Variants in ABCB8 observed in about 807,000 individuals in gnomAD.
ABCB8 encodes the protein mitochondrial potassium channel ATP-binding subunit.
A neutral mutation model predicts 73.0 loss-of-function variants in ABCB8; 52 were observed. The ratio of observed to expected loss-of-function variants is 0.71; its 90% CI spans 0.57 to 0.90. The LOEUF (loss-of-function observed/expected upper bound fraction) is 0.90. ABCB8 is among the 40% of genes least tolerant of loss of function. The probability of loss-of-function intolerance (pLI) is 0.00; values close to 1 mark genes in which losing one functional copy is unlikely to be tolerated. For synonymous variants in ABCB8, 428 were observed against 423.5 expected (o/e 1.01, Z -0.13); for missense variants, 909 against 974.6 (o/e 0.93, Z 0.90).
intron 1 of ABCB8, among the ~76,000 whole-genome samples, chr7:151,031,845 C>G (rs1796172905): frequency 6.6e-6 from 1 of 152,134 alleles, no homozygotes; most frequent in Admixed American, 6.5e-5. Flanking sequence ...AACTCCTGGC[C>G]TCAAATGATC....
intron 14 of ABCB8, among the ~76,000 whole-genome samples, chr7:151,042,679 G>A (rs544713981): frequency 1.4e-3 from 210 of 152,364 alleles, no homozygotes; most frequent in Non-Finnish European, 2.5e-3. Context: ...GGAGCTCCCA[G>A]GTCTTTTTCC....
rs1316398865 is a variant in ABCB8 at position 151,046,692 on chromosome 7, C to T, written c.*1343C>T. The stretch of plus-strand genomic sequence containing the variant: ...AGCCAGGCAAGCATTCTGGATTTAC[C>T]CTGTGTAAAGAAGGGTGGTACCCTC... On this transcript the variant is annotated 3_prime_UTR_variant, in exon 16 of 16. Coordinates refer to ENST00000358849, the MANE Select transcript of ABCB8 (RefSeq NM_007188.5). 6.6e-6 allele frequency: 1 copy of T among 152,248 alleles called. No individual in the cohort carries two copies. The highest frequency in any genetic ancestry group is 2.4e-5 in the African/African-American group (1 of 41,444). 9.4% of individuals were successfully genotyped at this position (152,248 alleles called of 1,614,324 possible). A position where few individuals can be genotyped will look rare whatever the true frequency, so the allele number is the denominator to read the frequency against.
chr7:151,031,313 A>G lies in ABCB8; in HGVS notation c.96-2292A>G, dbSNP rs774048770. On this transcript the variant is annotated intron_variant, in intron 1 of 15. Transcript: ENST00000358849. ...GAGAGTAAGCGTCTCTATCTTTCTA[A>G]TAGAAACAAGAACACAGTGGAAAAC... 9 of 1,542,046 alleles carry G rather than the reference A, an allele frequency of 5.8e-6. No individual in the cohort carries two copies. The South Asian group carries it at 9.5e-5, about 16-fold the overall frequency.
rs902955813 is a variant in ABCB8 at position 151,044,112 on chromosome 7, C to T, written c.1907C>T (p.Ala636Val). Residue 636 changes from alanine (A) to valine (V), a missense_variant, in exon 15 of 16, where the codon GCC becomes GTC. Physicochemically the swap from Ala to Val is moderately conservative, Grantham distance 64. Transcript: ENST00000358849. Reference sequence around the variant, plus strand: ...GAGTCCGAGCGGGTTGTACAGGAGGCCCTGGACCGGGCCAGTGCAGGCCGC... The same window carrying T: ...GAGTCCGAGCGGGTTGTACAGGAGGTCCTGGACCGGGCCAGTGCAGGCCGC... Reference protein sequence around the residue: ...DAESERVVQEALDRASAGRTV... With the variant: ...DAESERVVQEVLDRASAGRTV... The T allele has an allele frequency of 1.9e-6, 3 of 1,613,792 alleles. No homozygotes were observed. Among genetic ancestry groups the T allele is most frequent in the Admixed American group, 1.7e-5 (1 of 59,992 alleles).
intron 14 of ABCB8, among the ~76,000 whole-genome samples, chr7:151,042,609 T>C (rs1001517965): frequency 6.6e-6 from 1 of 152,214 alleles, no homozygotes; most frequent in African/African-American, 2.4e-5. Flanking sequence ...GCTCTGGTGG[T>C]TCTGAACTAG....
At chr7:151,032,326 G>A (rs1796185550) in intron 1 of ABCB8, among the ~76,000 whole-genome samples, 1 of 152,236 alleles carries the variant, frequency 6.6e-6, no homozygotes, top group Non-Finnish European at 1.5e-5. Flanking sequence ...AAGCATGACT[G>A]CTGTGAGGGG....
In ABCB8 at chr7:151,046,535, C is replaced by T. The variant is rs541134395; in HGVS notation, c.*1186C>T. On this transcript the variant is annotated 3_prime_UTR_variant, in exon 16 of 16. Coordinates refer to ENST00000358849, the MANE Select transcript of ABCB8 (RefSeq NM_007188.5). Reference sequence around the variant, plus strand: ...CTGCACTGCTGCAGATGCATCAGCCCTCCCCATGTTGGTGCCGCTGTCACT... The same window carrying T: ...CTGCACTGCTGCAGATGCATCAGCCTTCCCCATGTTGGTGCCGCTGTCACT... 2.0e-5 allele frequency: 3 copies of T among 152,412 alleles called. No homozygotes were observed. The South Asian group carries it at 6.2e-4, about 32-fold the overall frequency. 9.4% of individuals were successfully genotyped at this position (152,412 alleles called of 1,614,324 possible). A position where few individuals can be genotyped will look rare whatever the true frequency, so the allele number is the denominator to read the frequency against.
chr7:151,042,119 G>T lies in ABCB8; in HGVS notation c.1765+11G>T. On this transcript the variant is annotated intron_variant, in intron 14 of 15. Coordinates refer to ENST00000358849, the MANE Select transcript of ABCB8 (RefSeq NM_007188.5). ...ACAACACGGTCGTCGGTGGGTGCTC[G>T]GGTCTGCCGGGAACCAGGTGGTGAG... 6.2e-7 allele frequency: 1 copy of T among 1,611,988 alleles called. No homozygotes were observed. The highest frequency in any genetic ancestry group is 8.5e-7 in the Non-Finnish European group (1 of 1,179,394).
In ABCB8 at chr7:151,035,867, C is replaced by A. The variant is rs1178298428; in HGVS notation, c.928-15C>A. ...TTTTCTGGACTCCTTGTCCTGTTTC[C>A]TGGACTCCTTGCAGATCGCCAGGGC... On this transcript the variant is annotated splice_polypyrimidine_tract_variant and intron_variant, in intron 6 of 15. Coordinates refer to ENST00000358849, the MANE Select transcript of ABCB8 (RefSeq NM_007188.5). 6.2e-7 allele frequency: 1 copy of A among 1,612,668 alleles called. No individual in the cohort carries two copies. Among genetic ancestry groups the A allele is most frequent in the South Asian group, 1.1e-5 (1 of 91,088 alleles).
rs777877975 is a variant in ABCB8 at position 151,045,292 on chromosome 7, A to G, written c.2100A>G (p.Thr700=). Residue 700 remains threonine (T), a synonymous_variant, in exon 16 of 16, where the codon ACA becomes ACG. Coordinates refer to ENST00000358849, the MANE Select transcript of ABCB8 (RefSeq NM_007188.5). The part of the protein sequence containing the change: ...IRRQALDAPR[T]AAPPPKKPEG... ...GGCAGGCCCTGGATGCCCCGAGGAC[A>G]GCGGCCCCACCGCCCAAAAAGCCAG... The G allele has an allele frequency of 1.6e-5, 25 of 1,602,776 alleles. No homozygotes were observed. The highest frequency in any genetic ancestry group is 2.0e-5 in the Non-Finnish European group (24 of 1,174,274).
In ABCB8 at chr7:151,033,689, C is replaced by T. The variant is rs1796225042; in HGVS notation, c.180C>T (p.Ala60=). 4 of 1,612,408 alleles carry T rather than the reference C, an allele frequency of 2.5e-6. No homozygotes were observed. The South Asian group carries it at 3.3e-5, about 13-fold the overall frequency. ...AGCTCTGGGCCCACCTCCCTCGAGC[C>T]CCCCTAGCTCCCAGATGGAGCCCCT... ...RSQLWAHLPR[A]PLAPRWSPSA... Residue 60 remains alanine (A), a synonymous_variant, in exon 2 of 16, where the codon GCC becomes GCT. Transcript: ENST00000358849.
intron 15 of ABCB8, 90 bp downstream of exon 15, chr7:151,044,311 TGGCCTGGCCCCAG>T: frequency 1.3e-6 from 2 of 1,537,236 alleles, no homozygotes; most frequent in Non-Finnish European, 1.8e-6. Context: ...TATGAAGTTG[TGGCCTGGCCCCAG>T]GGCCTTGGGG....
chr7:151,044,889 G>T (rs1189568814), intron 15 of ABCB8, among the ~76,000 whole-genome samples: 1 of 152,230 alleles, frequency 6.6e-6, no homozygotes, highest in South Asian at 2.1e-4. Context: ...TGTGGCGTTG[G>T]CTAACAGCCA....
In ABCB8 at chr7:151,034,617, G is replaced by A. The variant is rs553976897; in HGVS notation, c.659+18G>A. 6.2e-7 allele frequency: 1 copy of A among 1,613,910 alleles called. No homozygotes were observed. Among genetic ancestry groups the A allele is most frequent in the East Asian group, 2.2e-5 (1 of 44,876 alleles). ...CTGCTCCGGTACTGCCAGCCGCAGG[G>A]TGCAGAGTTGGGGTGACTGATGGCC... On this transcript the variant is annotated intron_variant, in intron 4 of 15. Transcript: ENST00000358849.
At chr7:151,036,515 C>T (rs746306788) in intron 8 of ABCB8, 29 bp from the exon 9 acceptor site, 36 of 1,587,588 alleles carry the variant, frequency 2.3e-5, no homozygotes, top group East Asian at 8.9e-5. Context: ...GCCCTGGCTT[C>T]GTCCTCCCTC....
rs1325175450 is a variant in ABCB8 at position 151,045,254 on chromosome 7, G to A, written c.2062G>A (p.Glu688Lys). The change falls in exon 16 of 16, where the codon GAG becomes AAG. Residue 688 changes from glutamate (E) to lysine (K), a missense_variant. Glu to Lys is a moderately conservative substitution (Grantham distance 56, BLOSUM62 1). Transcript: ENST00000358849. ...ELLKKGGLYA[E>K]LIRRQALDAP... ...CCTGAAGAAAGGCGGGCTATACGCCGAGCTCATCCGGAGGCAGGCCCTGGA... is the reference window on the plus strand; with the variant it reads ...CCTGAAGAAAGGCGGGCTATACGCCAAGCTCATCCGGAGGCAGGCCCTGGA... 12 of 1,603,780 alleles carry A rather than the reference G, an allele frequency of 7.5e-6. No individual in the cohort carries two copies. The highest frequency in any genetic ancestry group is 4.6e-5 in the East Asian group (2 of 43,632).
Position 151,035,746 on chromosome 7 carries a change from C to T in ABCB8, c.927+4C>T. ...GTCTCGCCAGTGTCAGGAGCAGGTA[C>T]CGGCATTCCTGGCCATCCTCTTCAC... On this transcript the variant is annotated splice_donor_region_variant and intron_variant, in intron 6 of 15. Coordinates refer to ENST00000358849, the MANE Select transcript of ABCB8 (RefSeq NM_007188.5). 6 of 1,612,484 alleles carry T rather than the reference C, an allele frequency of 3.7e-6. No individual in the cohort carries two copies. In the African/African-American group the frequency reaches 6.7e-5, roughly 18 times the overall value.
At chr7:151,040,657 G>T in intron 11 of ABCB8, 23 bp downstream of exon 11, 1 of 1,606,988 alleles carries the variant, frequency 6.2e-7, no homozygotes, top group Non-Finnish European at 8.5e-7. Context: ...GAGCAGGCGT[G>T]GGGATGGGTC....
rs1796060343 is a variant in ABCB8, at chr7:151,028,964, G to A, written c.95+354G>A. 2.4e-6 allele frequency: 3 copies of A among 1,263,604 alleles called. No individual in the cohort carries two copies. The South Asian group carries it at 4.0e-5, about 17-fold the overall frequency. The allele number at this position is 1,263,604 out of a possible 1,614,324, so 78.3% of individuals were successfully genotyped here. ...TTATTAGTATGAAGAGACATTTAAT[G>A]TAGTGGTGCTTCCAGGATTCAAAGT... On this transcript the variant is annotated intron_variant, in intron 1 of 15. Transcript: ENST00000358849.
Sources: gnomAD v4.1 joint callset for allele counts (sites outside exome capture counted in the v4.1 genomes callset) on GRCh38, gnomAD v4.1.1 for gene constraint, MANE v1.5 for transcripts, NCBI Gene and HGNC (gene_info 2026-07-23, HGNC 2026-07-21) for gene names.